Variants in MACROD2 observed in about 807,000 individuals in gnomAD.
MACROD2 encodes ADP-ribose glycohydrolase MACROD2.
In MACROD2, 36 loss-of-function variants were observed where a neutral mutation model predicts 70.4. The ratio of observed to expected loss-of-function variants is 0.51; its 90% CI spans 0.39 to 0.68. The LOEUF (loss-of-function observed/expected upper bound fraction) is 0.68. Ranked by LOEUF, MACROD2 falls within the 30% of genes least tolerant of loss-of-function variation. The probability of loss-of-function intolerance (pLI) is 0.00; values close to 1 mark genes in which losing one functional copy is unlikely to be tolerated. For missense variants in MACROD2, 496 were observed against 538.4 expected, an observed-to-expected ratio of 0.92 and a Z score of 0.78; for synonymous variants, 172 against 178.8, an observed-to-expected ratio of 0.96 and a Z score of 0.30.
chr20:15,445,401 C>T (rs1600420698), intron 7 of MACROD2, among the ~76,000 whole-genome samples: 1 of 152,088 alleles, frequency 6.6e-6, no homozygotes, highest in South Asian at 2.1e-4. Context: ...CTAACTAAGT[C>T]CTAAGAATAA....
At chr20:14,213,378 A>AG in intron 3 of MACROD2, among the ~76,000 whole-genome samples, 1 of 148,730 alleles carries the variant, frequency 6.7e-6, no homozygotes, top group East Asian at 2.0e-4. Flanking sequence ...AAAAAAAAAA[A>AG]AAAAAAAAGG....
intron 3 of MACROD2, among the ~76,000 whole-genome samples, chr20:14,299,381 T>A (rs2082455450): frequency 6.8e-6 from 1 of 147,576 alleles, no homozygotes. Context: ...AGTATAAACG[T>A]TAACTTTTAT....
chr20:14,128,958 A>G (rs1429229494), intron 3 of MACROD2, among the ~76,000 whole-genome samples: 2 of 152,224 alleles, frequency 1.3e-5, no homozygotes, highest in African/African-American at 2.4e-5. Context: ...TGACATTGCA[A>G]CTAGTTACCC....
intron 8 of MACROD2, among the ~76,000 whole-genome samples, chr20:15,809,121 A>T (rs1378953245): frequency 6.6e-6 from 1 of 152,146 alleles, no homozygotes; most frequent in African/African-American, 2.4e-5. Flanking sequence ...GATTTTGTTA[A>T]AATAATCATA....
chr20:15,500,160 G>T (rs958375231), intron 8 of MACROD2, among the ~76,000 whole-genome samples: 1 of 152,166 alleles, frequency 6.6e-6, no homozygotes, highest in Non-Finnish European at 1.5e-5. Flanking sequence ...TAAGAATAAG[G>T]AGTTTTCCTA....
intron 6 of MACROD2, among the ~76,000 whole-genome samples, chr20:15,425,973 A>C (rs2046291426): frequency 6.6e-6 from 1 of 152,180 alleles, no homozygotes; most frequent in Non-Finnish European, 1.5e-5. Flanking sequence ...CTTACCCTTA[A>C]ATTACTTAGA....
At chr20:15,621,814 A>G (rs1169686753) in intron 8 of MACROD2, among the ~76,000 whole-genome samples, 1 of 152,230 alleles carries the variant, frequency 6.6e-6, no homozygotes, top group Non-Finnish European at 1.5e-5. Context: ...CAAGCCACGC[A>G]GAATGTACTT....
chr20:14,191,944 C>A (rs890465321), intron 3 of MACROD2, among the ~76,000 whole-genome samples: 5 of 148,570 alleles, frequency 3.4e-5, no homozygotes. Context: ...ATCTGACTTA[C>A]CTTTTTAAAA....
chr20:14,917,026 C>T (rs768096137), intron 5 of MACROD2, among the ~76,000 whole-genome samples: 2 of 151,736 alleles, frequency 1.3e-5, no homozygotes, highest in Non-Finnish European at 1.5e-5. Context: ...ACAAATGGTG[C>T]CATTCCTATT....
chr20:15,779,530 C>A (rs1174660961), intron 8 of MACROD2, among the ~76,000 whole-genome samples: 2 of 152,134 alleles, frequency 1.3e-5, no homozygotes. Context: ...GAGTTCTCTG[C>A]AGCCAGTAAC....
intron 6 of MACROD2, among the ~76,000 whole-genome samples, chr20:15,405,857 G>A (rs2045993214): frequency 6.6e-6 from 1 of 152,148 alleles, no homozygotes; most frequent in South Asian, 2.1e-4. Flanking sequence ...TTTCCTGCCA[G>A]ATTTTGAAGT....
intron 3 of MACROD2, among the ~76,000 whole-genome samples, chr20:14,298,189 T>C (rs1396104132): frequency 1.3e-4 from 20 of 151,942 alleles, no homozygotes; most frequent in Admixed American, 1.3e-3. Context: ...GCGAGAAGAT[T>C]AATGCTGTTT....
intron 6 of MACROD2, among the ~76,000 whole-genome samples, chr20:15,311,503 A>G (rs561637792): frequency 6.6e-6 from 1 of 152,228 alleles, no homozygotes; most frequent in East Asian, 1.9e-4. Flanking sequence ...TAACAGCACT[A>G]TTCACAAAAG....
intron 12 of MACROD2, among the ~76,000 whole-genome samples, chr20:15,946,787 C>T (rs1043721025): frequency 2.0e-5 from 3 of 152,178 alleles, no homozygotes; most frequent in Non-Finnish European, 4.4e-5. Flanking sequence ...AGGGGACCAG[C>T]ACTCAGCACA....
rs11907523 is a variant in MACROD2, at chr20:16,001,490, C to T, written c.1153+14332C>T. Among the ~76,000 whole-genome samples the T allele has an allele frequency of 6.9e-3, 1,046 of 152,312 alleles. 10 individuals carry two copies. The highest frequency in any genetic ancestry group is 0.024 in the African/African-American group (996 of 41,560). On this transcript the variant is annotated intron_variant, in intron 15 of 17. Coordinates refer to ENST00000684519, the MANE Select transcript of MACROD2 (RefSeq NM_001351661.2). ...AAATGTTGTCGAGATGAATCAGTCACGTTTCTAACCAATAATATCATCCCA... is the reference window on the plus strand; with the variant it reads ...AAATGTTGTCGAGATGAATCAGTCATGTTTCTAACCAATAATATCATCCCA...
intron 6 of MACROD2, among the ~76,000 whole-genome samples, chr20:15,426,178 G>A (rs1438059024): frequency 6.8e-5 from 10 of 145,992 alleles, no homozygotes; most frequent in South Asian, 2.2e-4. Context: ...CCCCCTCTGC[G>A]AGAAACACCC....
At chr20:15,040,974 A>T (rs966797469) in intron 5 of MACROD2, among the ~76,000 whole-genome samples, 48 of 152,168 alleles carry the variant, frequency 3.2e-4, no homozygotes, top group Non-Finnish European at 3.8e-4. Context: ...AAAATCTTTT[A>T]TGTTTTCATT....
At chr20:14,801,885 G>T (rs115770900) in intron 5 of MACROD2, among the ~76,000 whole-genome samples, 2,056 of 152,116 alleles carry the variant, frequency 0.014, 49 homozygotes, top group African/African-American at 0.047. Context: ...CTATTTTTCT[G>T]ATTGTTTTCG....
intron 7 of MACROD2, among the ~76,000 whole-genome samples, chr20:15,486,838 G>A (rs2047169198): frequency 6.6e-6 from 1 of 152,168 alleles, no homozygotes; most frequent in South Asian, 2.1e-4. Flanking sequence ...CTCACTCAAT[G>A]TATCAGTCAT....
Sources: allele counts gnomAD v4.1 joint callset (sites outside exome capture counted in the v4.1 genomes callset), GRCh38; gene constraint gnomAD v4.1.1; transcripts MANE v1.5; gene names NCBI Gene and HGNC (gene_info 2026-07-23, HGNC 2026-07-21).